Variants in DEPTOR observed in about 807,000 individuals in gnomAD.
The protein encoded by DEPTOR is DEP domain containing MTOR interacting protein, also known as DEP domain-containing mTOR-interacting protein.
DEPTOR carries 41 observed loss-of-function variants against 41.6 expected under a neutral mutation model. The ratio of observed to expected loss-of-function variants is 0.98; its 90% CI spans 0.77 to 1.28. The LOEUF (loss-of-function observed/expected upper bound fraction) is 1.28. Ranked by LOEUF, DEPTOR falls within the 50% of genes most tolerant of loss-of-function variation. DEPTOR has a pLI of 0.00. For synonymous variants in DEPTOR, 195 were observed against 192.3 expected (o/e 1.01, Z -0.12); for missense variants, 514 against 527.9 (o/e 0.97, Z 0.26).
At chr8:119,999,415 T>A (rs752119903) in intron 4 of DEPTOR, among the ~76,000 whole-genome samples, 15 of 152,338 alleles carry the variant, frequency 9.8e-5, no homozygotes, top group Non-Finnish European at 1.6e-4. Flanking sequence ...GGCTAGCTCT[T>A]GTTATTACTG....
At chr8:119,904,324 G>A (rs1450399498) in intron 1 of DEPTOR, among the ~76,000 whole-genome samples, 1 of 151,614 alleles carries the variant, frequency 6.6e-6, no homozygotes, top group Non-Finnish European at 1.5e-5. Flanking sequence ...TCACCTTGTG[G>A]GTCAGGCTGG....
chr8:119,980,162 A>G (rs1226673667), intron 4 of DEPTOR, among the ~76,000 whole-genome samples: 1 of 147,292 alleles, frequency 6.8e-6, no homozygotes. Flanking sequence ...AGAAATAGCA[A>G]AAAAAAAAAA....
chr8:119,936,417 C>G (rs1828113677), intron 3 of DEPTOR, among the ~76,000 whole-genome samples: 1 of 152,212 alleles, frequency 6.6e-6, no homozygotes, highest in Non-Finnish European at 1.5e-5. Flanking sequence ...CTTTTAATAA[C>G]AAGCAACAAT....
At chr8:119,983,541 C>G (rs758799220) in intron 4 of DEPTOR, among the ~76,000 whole-genome samples, 1 of 152,112 alleles carries the variant, frequency 6.6e-6, no homozygotes, top group Non-Finnish European at 1.5e-5. Flanking sequence ...CCCGCCACCA[C>G]GCTCAGCTAA....
At chr8:119,919,767 T>C (rs1827866850) in intron 1 of DEPTOR, among the ~76,000 whole-genome samples, 1 of 152,250 alleles carries the variant, frequency 6.6e-6, no homozygotes, top group Admixed American at 6.5e-5. Flanking sequence ...TTTGTTAAAC[T>C]GTTTACTTTG....
At chr8:119,988,140 G>A (rs1341114613) in intron 4 of DEPTOR, among the ~76,000 whole-genome samples, 2 of 152,180 alleles carry the variant, frequency 1.3e-5, no homozygotes, top group Non-Finnish European at 2.9e-5. Flanking sequence ...CCCTGGTGGT[G>A]TAGGCACCCG....
At chr8:119,991,120 T>C (rs7836124) in intron 4 of DEPTOR, among the ~76,000 whole-genome samples, 1,163 of 75,904 alleles carry the variant, frequency 0.015, 28 homozygotes, top group East Asian at 0.028. Flanking sequence ...TTCTTTCTTT[T>C]TTTTTTAAAT....
intron 1 of DEPTOR, among the ~76,000 whole-genome samples, chr8:119,928,052 G>T (rs1028510453): frequency 2.6e-5 from 4 of 152,126 alleles, no homozygotes; most frequent in Middle Eastern, 3.2e-3. Flanking sequence ...CATTTCTAGG[G>T]TTTTTGTTTG....
intron 8 of DEPTOR, among the ~76,000 whole-genome samples, chr8:120,045,921 C>G (rs1240954084): frequency 1.3e-5 from 2 of 152,146 alleles, no homozygotes; most frequent in Admixed American, 6.5e-5. Flanking sequence ...CTTTTCCTAC[C>G]CCTGAACACC....
intron 6 of DEPTOR, among the ~76,000 whole-genome samples, chr8:120,004,970 G>A (rs545294739): frequency 6.6e-6 from 1 of 152,060 alleles, no homozygotes; most frequent in Admixed American, 6.5e-5. Context: ...CAGTACTAAA[G>A]ATATTGATGT....
At chr8:119,978,498 G>A (rs543825146) in intron 4 of DEPTOR, among the ~76,000 whole-genome samples, 3 of 152,244 alleles carry the variant, frequency 2.0e-5, no homozygotes, top group South Asian at 2.1e-4. Context: ...GATCATACTC[G>A]TCAATGGGAG....
chr8:119,954,661 C>T (rs1353772412), intron 3 of DEPTOR, among the ~76,000 whole-genome samples: 1 of 152,072 alleles, frequency 6.6e-6, no homozygotes, highest in Non-Finnish European at 1.5e-5. Context: ...AAGGAGATCG[C>T]TATCAGCTTA....
At chr8:119,932,856 G>C (rs1398559113) in intron 3 of DEPTOR, among the ~76,000 whole-genome samples, 1 of 152,168 alleles carries the variant, frequency 6.6e-6, no homozygotes, top group Non-Finnish European at 1.5e-5. Flanking sequence ...CAGATATCTG[G>C]TGGAAGAACA....
At chr8:119,956,006 C>T (rs1828412610) in intron 3 of DEPTOR, among the ~76,000 whole-genome samples, 1 of 152,096 alleles carries the variant, frequency 6.6e-6, no homozygotes, top group South Asian at 2.1e-4. Context: ...TTGAGGGGTA[C>T]CGCAGAGCCA....
intron 8 of DEPTOR, among the ~76,000 whole-genome samples, chr8:120,028,172 T>C (rs917569579): frequency 6.6e-6 from 1 of 152,078 alleles, no homozygotes; most frequent in African/African-American, 2.4e-5. Flanking sequence ...TTTTTTTTCC[T>C]GGAGATGGAG....
At chr8:120,027,390 G>A (rs79788887) in intron 8 of DEPTOR, among the ~76,000 whole-genome samples, 407 of 152,016 alleles carry the variant, frequency 2.7e-3, no homozygotes, top group African/African-American at 9.1e-3. Context: ...GACCCAAAGA[G>A]GTTGTTCAGG....
intron 8 of DEPTOR, among the ~76,000 whole-genome samples, chr8:120,035,697 A>G (rs1265955794): frequency 6.6e-6 from 1 of 151,950 alleles, no homozygotes; most frequent in African/African-American, 2.4e-5. Flanking sequence ...ATGTCCAGCT[A>G]ATTTTTCTAT....
At chr8:119,898,588 G>A (rs1827549824) in intron 1 of DEPTOR, among the ~76,000 whole-genome samples, 2 of 152,156 alleles carry the variant, frequency 1.3e-5, no homozygotes, top group African/African-American at 4.8e-5. Context: ...GCTTGGCATG[G>A]TGGCATGTGC....
chr8:119,942,101 C>T (rs533570235), intron 3 of DEPTOR, among the ~76,000 whole-genome samples: 5 of 152,194 alleles, frequency 3.3e-5, no homozygotes, highest in Non-Finnish European at 4.4e-5. Context: ...AACAGGCAGC[C>T]GGCCAGCTGT....
Sources: allele counts gnomAD v4.1 joint callset (sites outside exome capture counted in the v4.1 genomes callset), GRCh38; gene constraint gnomAD v4.1.1; transcripts MANE v1.5; gene names NCBI Gene and HGNC (gene_info 2026-07-23, HGNC 2026-07-21).